The following REV1 variants were observed in gnomAD, a reference collection of about 807,000 sequenced individuals.
REV1 encodes the protein translesion synthesis protein REV1.
In REV1, 42 loss-of-function variants were observed where a neutral mutation model predicts 137.4. The ratio of observed to expected loss-of-function variants is 0.31; its 90% CI spans 0.24 to 0.40. The LOEUF is 0.40. REV1 is among the 10% of genes least tolerant of loss of function. The pLI, the probability that REV1 is intolerant of heterozygous loss-of-function variation, is 1.00. For missense variants in REV1, 1,282 were observed against 1,490.1 expected (o/e 0.86, Z 2.30); for synonymous variants, 524 against 519.2 (o/e 1.01, Z -0.12).
intron 4 of REV1, among the ~76,000 whole-genome samples, chr2:99,447,068 AG>A (rs1682316229): frequency 6.6e-6 from 1 of 152,214 alleles, no homozygotes; most frequent in Non-Finnish European, 1.5e-5. Context: ...CACAGTGCAA[AG>A]GAAGGAATCA....
intron 3 of REV1, among the ~76,000 whole-genome samples, chr2:99,460,365 G>A (rs770269067): frequency 3.3e-5 from 5 of 152,140 alleles, no homozygotes; most frequent in Admixed American, 2.6e-4. Context: ...GTGAGCCACC[G>A]TGCCTGGCCT....
chr2:99,401,620 G>A (rs1192246485), intron 22 of REV1, among the ~76,000 whole-genome samples: 4 of 152,052 alleles, frequency 2.6e-5, no homozygotes, highest in African/African-American at 9.7e-5. Context: ...GGTGGCACAT[G>A]CCTATAATCC....
chr2:99,416,911 T>TAAAAAAA (rs774193712), intron 12 of REV1, among the ~76,000 whole-genome samples: 2 of 26,652 alleles, frequency 7.5e-5, no homozygotes, highest in East Asian at 8.6e-4. Context: ...AGACTCCATC[T>TAAAAAAA]CAAAAAAAAA....
chr2:99,443,334 A>G (rs1681749853), intron 4 of REV1, among the ~76,000 whole-genome samples: 1 of 152,212 alleles, frequency 6.6e-6, no homozygotes, highest in South Asian at 2.1e-4. Context: ...TTATTTAGAA[A>G]AAGACTGATA....
chr2:99,416,920 A>C (rs900594752), intron 12 of REV1, among the ~76,000 whole-genome samples: 1 of 148,484 alleles, frequency 6.7e-6, no homozygotes, highest in Non-Finnish European at 1.5e-5. Context: ...CTCAAAAAAA[A>C]AAAAAAAAAA....
intron 3 of REV1, among the ~76,000 whole-genome samples, chr2:99,459,496 A>C (rs1302270728): frequency 6.6e-6 from 1 of 152,200 alleles, no homozygotes; most frequent in Non-Finnish European, 1.5e-5. Context: ...GCTTGAGCCT[A>C]GGAGTTTCAG....
intron 1 of REV1, among the ~76,000 whole-genome samples, chr2:99,474,489 G>A (rs1054156170): frequency 6.6e-6 from 1 of 152,164 alleles, no homozygotes; most frequent in Non-Finnish European, 1.5e-5. Context: ...CAAAACAGAT[G>A]CTTCTTCACC....
chr2:99,446,838 C>T (rs1357087927), intron 4 of REV1, among the ~76,000 whole-genome samples: 2 of 152,186 alleles, frequency 1.3e-5, no homozygotes, highest in African/African-American at 2.4e-5. Context: ...CCAGCAAGAT[C>T]GCTTTCCCCT....
At chr2:99,469,157 C>T (rs1334212678) in intron 1 of REV1, among the ~76,000 whole-genome samples, 1 of 152,108 alleles carries the variant, frequency 6.6e-6, no homozygotes, top group African/African-American at 2.4e-5. Flanking sequence ...GTAAAAACAG[C>T]AAGCAAGCAA....
At chr2:99,490,118 A>T (rs1208143082), upstream of REV1, 7 of 78,634 alleles carry the variant, frequency 8.9e-5, no homozygotes, top group Admixed American at 4.2e-4. Flanking sequence ...CGCGCGGCGC[A>T]CGCGCTCTGC....
At chr2:99,405,176 A>G (rs987250800) in intron 17 of REV1, 1 of 160,096 alleles carries the variant, frequency 6.2e-6, no homozygotes, top group African/African-American at 2.4e-5. Context: ...TAGAAGCTGA[A>G]TTTTCTCTAA....
intron 4 of REV1, among the ~76,000 whole-genome samples, chr2:99,445,664 T>A (rs1040505773): frequency 2.0e-5 from 3 of 152,214 alleles, no homozygotes; most frequent in South Asian, 2.1e-4. Context: ...GTGACAAAAA[T>A]TTTTTAAACC....
intron 8 of REV1, among the ~76,000 whole-genome samples, chr2:99,432,433 G>C (rs1680238248): frequency 6.6e-6 from 1 of 151,746 alleles, no homozygotes; most frequent in South Asian, 2.1e-4. Context: ...CCCAGAGAAA[G>C]AAAGATCAGG....
Position 99,438,993 on chromosome 2 carries a change from C to G in REV1, c.821G>C (p.Cys274Ser), listed in dbSNP as rs781428956. The G allele has an allele frequency of 6.2e-7, 1 of 1,614,178 alleles. No individual in the cohort carries two copies. Among genetic ancestry groups the G allele is most frequent in the Non-Finnish European group, 8.5e-7 (1 of 1,180,034 alleles). ...GCTTTGCTGCAACTGCTGCAGAGTG[C>G]AGTCTCTGAAATCAGTGCTGCTCTT... Reference protein sequence around the residue: ...AEKSSTDFRDCTLQQLQQSTR... With the variant: ...AEKSSTDFRDSTLQQLQQSTR... Residue 274 changes from cysteine (C) to serine (S), a missense_variant, in exon 6 of 23, where the codon TGC becomes TCC. Coordinates refer to ENST00000258428, the MANE Select transcript of REV1 (RefSeq NM_016316.4).
chr2:99,438,367 T>C (rs1238356248), intron 6 of REV1, among the ~76,000 whole-genome samples: 2 of 152,216 alleles, frequency 1.3e-5, no homozygotes, highest in Non-Finnish European at 1.5e-5. Flanking sequence ...ATCCCAACCA[T>C]CTTACTGTTT....
At chr2:99,429,410 T>C (rs1317185568) in intron 9 of REV1, among the ~76,000 whole-genome samples, 3 of 152,220 alleles carry the variant, frequency 2.0e-5, no homozygotes, top group Non-Finnish European at 4.4e-5. Context: ...TATTTACTTA[T>C]AATTGCATAG....
At position 99,404,620 on chromosome 2, in the gene REV1, C is replaced by T. The variant is rs971237603; in HGVS notation, c.2869G>A (p.Val957Ile). The part of the protein sequence containing the change: ...PPDLREQVEQ[V>I]CAVQQAESHG... ...GACTCTGCTTGCTGGACAGCACAGACTTGCTCTACTTGTTCCCGGAGATCA... is the reference window on the plus strand; with the variant it reads ...GACTCTGCTTGCTGGACAGCACAGATTTGCTCTACTTGTTCCCGGAGATCA... Residue 957 changes from valine (V) to isoleucine (I), a missense_variant, in exon 18 of 23, where the codon GTC becomes ATC. Around this residue, in one of 7 missense-constraint regions of REV1, gnomAD observed 135 missense variants for 123.3 expected, o/e 1.10. Coordinates refer to ENST00000258428, the MANE Select transcript of REV1 (RefSeq NM_016316.4). 2 of 1,612,586 alleles carry T rather than the reference C, an allele frequency of 1.2e-6. No homozygotes were observed. The highest frequency in any genetic ancestry group is 1.7e-6 in the Non-Finnish European group (2 of 1,179,678).
At chr2:99,474,962 G>A (rs371094677) in intron 1 of REV1, among the ~76,000 whole-genome samples, 4 of 151,942 alleles carry the variant, frequency 2.6e-5, no homozygotes, top group East Asian at 1.9e-4. Context: ...GTTGCTAACC[G>A]GTTCTCTGAA....
At chr2:99,443,985 ATTTT>A (rs980234775) in intron 4 of REV1, among the ~76,000 whole-genome samples, 3 of 151,924 alleles carry the variant, frequency 2.0e-5, no homozygotes, top group Non-Finnish European at 2.9e-5. Flanking sequence ...CGCCCGGCTA[ATTTT>A]TTGTATTTTT....
Sources: allele counts gnomAD v4.1 joint callset (sites outside exome capture counted in the v4.1 genomes callset), GRCh38; gene constraint gnomAD v4.1.1; regional missense constraint gnomAD v4.1.1; transcripts MANE v1.5; gene names NCBI Gene and HGNC (gene_info 2026-07-23, HGNC 2026-07-21).